The following SIDT1 variants were observed in gnomAD, a reference collection of about 807,000 sequenced individuals.
SIDT1 encodes SID1 transmembrane family member 1.
SIDT1 carries 101 observed loss-of-function variants against 107.5 expected under a neutral mutation model. The observed-to-expected ratio is 0.94, with a 90% confidence interval of 0.80 to 1.11. The LOEUF (loss-of-function observed/expected upper bound fraction) is 1.11. SIDT1 is among the 50% of genes least tolerant of loss of function. The probability of loss-of-function intolerance (pLI) is 0.00; values close to 1 mark genes in which losing one functional copy is unlikely to be tolerated. For synonymous variants in SIDT1, 395 were observed against 398.2 expected (o/e 0.99, Z 0.10); for missense variants, 1,076 against 1,058.2 (o/e 1.02, Z -0.23).
At position 113,626,114 on chromosome 3, in the gene SIDT1, G is replaced by T; in HGVS notation, c.2320G>T (p.Glu774Ter). 1.9e-6 allele frequency: 3 copies of T among 1,613,746 alleles called. No individual in the cohort carries two copies. Among genetic ancestry groups the T allele is most frequent in the Non-Finnish European group, 2.5e-6 (3 of 1,179,706 alleles). The change falls in exon 24 of 25, where the codon GAA (glutamate) becomes TAA (stop). Residue 774 changes from glutamate (E) to a stop codon, truncating the protein, a stop_gained. Transcript: ENST00000264852. LOFTEE classifies it high-confidence loss of function. ...NLSSWEGTPA[E>*]SREKNRECIL... The stretch of plus-strand genomic sequence containing the variant: ...CACCTTCCTCCAGGGAACTCCGGCC[G>T]AATCCCGGGAGAAGAACCGCGAGTG...
Position 113,541,222 on chromosome 3 carries a change from T to A in SIDT1, c.222+7979T>A, listed in dbSNP as rs189892840. ...TTTCTCTCTGTCACCCAGGCTGGAG[T>A]GCAATGGTATGATCTCTGCTCACTG... On this transcript the variant is annotated intron_variant, in intron 1 of 24. Coordinates refer to ENST00000264852, the MANE Select transcript of SIDT1 (RefSeq NM_017699.3). 2.4e-3 allele frequency among the ~76,000 whole-genome samples: 361 copies of A among 151,808 alleles called. 2 individuals are homozygous for A. Among genetic ancestry groups the A allele is most frequent in the African/African-American group, 8.2e-3 (341 of 41,396 alleles).
intron 10 of SIDT1, among the ~76,000 whole-genome samples, chr3:113,601,026 G>A (rs564667153): frequency 6.6e-6 from 1 of 152,328 alleles, no homozygotes; most frequent in South Asian, 2.1e-4. Context: ...CTGTCCAGCT[G>A]AGCCAGCTCT....
intron 21 of SIDT1, among the ~76,000 whole-genome samples, chr3:113,621,626 G>T (rs1464506366): frequency 6.6e-6 from 1 of 152,082 alleles, no homozygotes; most frequent in Non-Finnish European, 1.5e-5. Context: ...GAAGAGAGAC[G>T]TCAGGTCCTG....
At chr3:113,592,894 A>G in intron 9 of SIDT1, 111 bp from the exon 10 acceptor site, 1 of 893,346 alleles carries the variant, frequency 1.1e-6, no homozygotes, top group Non-Finnish European at 1.9e-6. Flanking sequence ...CCCCAAAGAC[A>G]TGTTTTGAAG....
At chr3:113,610,977 TG>T in intron 17 of SIDT1, 30 bp from the exon 18 acceptor site, 1 of 1,609,348 alleles carries the variant, frequency 6.2e-7, no homozygotes. Flanking sequence ...TACTGAATCC[TG>T]ATCATCTGGC....
intron 23 of SIDT1, among the ~76,000 whole-genome samples, chr3:113,623,941 ACAGACATTG>A (rs1251130773): frequency 1.3e-5 from 2 of 152,228 alleles, no homozygotes; most frequent in Non-Finnish European, 2.9e-5. Flanking sequence ...TGTAAGTACT[ACAGACATTG>A]CAAACTTGGT....
At chr3:113,621,880 T>TA (rs1469379844) in intron 21 of SIDT1, among the ~76,000 whole-genome samples, 2 of 152,196 alleles carry the variant, frequency 1.3e-5, no homozygotes, top group Admixed American at 1.3e-4. Flanking sequence ...TCCAATACAG[T>TA]AACTATTAGC....
At chr3:113,546,085 G>A (rs1939549992) in intron 1 of SIDT1, among the ~76,000 whole-genome samples, 1 of 152,200 alleles carries the variant, frequency 6.6e-6, no homozygotes, top group Non-Finnish European at 1.5e-5. Flanking sequence ...AGAGCATGGG[G>A]TGGAGTACCA....
chr3:113,554,097 G>C (rs942698882), intron 1 of SIDT1, among the ~76,000 whole-genome samples: 2 of 152,118 alleles, frequency 1.3e-5, no homozygotes, highest in African/African-American at 2.4e-5. Flanking sequence ...AACCTGGAGA[G>C]ACAGAAAATG....
intron 1 of SIDT1, among the ~76,000 whole-genome samples, chr3:113,536,959 G>T (rs1207199937): frequency 6.6e-6 from 1 of 152,180 alleles, no homozygotes; most frequent in African/African-American, 2.4e-5. Context: ...CTAACTTGTT[G>T]GGAAAGTTGC....
At chr3:113,561,720 A>G (rs535166078) in intron 1 of SIDT1, among the ~76,000 whole-genome samples, 2 of 152,216 alleles carry the variant, frequency 1.3e-5, no homozygotes, top group Admixed American at 6.5e-5. Context: ...TTTAAGTTCT[A>G]TTCTTGATCT....
At position 113,601,759 on chromosome 3, in the gene SIDT1, G is replaced by A. The variant is rs919167488; in HGVS notation, c.1117+100G>A. On this transcript the variant is annotated intron_variant, in intron 11 of 24. Transcript: ENST00000264852. The stretch of plus-strand genomic sequence containing the variant: ...ACTAATAACTGGGAATGTGGGCAAA[G>A]CAGCTATCCTATGAGATTGTCTTTT... 1.3e-4 allele frequency: 94 copies of A among 739,940 alleles called. No homozygotes were observed. The Middle Eastern group carries it at 1.5e-3, about 11-fold the overall frequency. 45.8% of individuals were successfully genotyped at this position (739,940 alleles called of 1,614,324 possible).
chr3:113,630,397 G>A (rs1947081528), downstream of SIDT1, among the ~76,000 whole-genome samples: 1 of 152,136 alleles, frequency 6.6e-6, no homozygotes, highest in Non-Finnish European at 1.5e-5. Flanking sequence ...GAAGCCAGTG[G>A]AATGCTGGAC....
chr3:113,535,060 C>T (rs1450308441), intron 1 of SIDT1, among the ~76,000 whole-genome samples: 1 of 152,132 alleles, frequency 6.6e-6, no homozygotes, highest in Non-Finnish European at 1.5e-5. Context: ...TTGCTTGAGA[C>T]CAGGAGTTCA....
intron 6 of SIDT1, 144 bp from the exon 7 acceptor site, chr3:113,583,265 G>A: frequency 2.0e-6 from 1 of 500,274 alleles, no homozygotes. Flanking sequence ...ATGGGTATGT[G>A]AAAGTCCTTT....
chr3:113,577,044 C>T, intron 4 of SIDT1, 77 bp downstream of exon 4: 1 of 1,383,104 alleles, frequency 7.2e-7, no homozygotes, highest in Non-Finnish European at 1.0e-6. Context: ...CCATGTTACC[C>T]TGGTAGAGTT....
chr3:113,546,654 C>G (rs943869000), intron 1 of SIDT1, among the ~76,000 whole-genome samples: 1 of 151,600 alleles, frequency 6.6e-6, no homozygotes, highest in Non-Finnish European at 1.5e-5. Flanking sequence ...AGAATTTCTT[C>G]GTTTCTTACT....
In SIDT1 at chr3:113,533,135, C is replaced by G. The variant is rs753609597; in HGVS notation, c.114C>G (p.Asp38Glu). The G allele has an allele frequency of 1.3e-6, 2 of 1,571,282 alleles. No individual in the cohort carries two copies. Among genetic ancestry groups the G allele is most frequent in the Non-Finnish European group, 1.7e-6 (2 of 1,160,816 alleles). The change falls in exon 1 of 25, where the codon GAC becomes GAG. Residue 38 changes from aspartate to glutamate, a missense_variant. Transcript: ENST00000264852. ...SPRQPPAPRRDPFDAARGADF... is the reference protein window; with the variant it reads ...SPRQPPAPRREPFDAARGADF... ...GGCAGCCCCCGGCACCGCGCCGCGA[C>G]CCCTTCGACGCTGCCAGGGGCGCCG...
At chr3:113,556,477 A>G (rs758925084) in intron 1 of SIDT1, among the ~76,000 whole-genome samples, 36 of 151,620 alleles carry the variant, frequency 2.4e-4, no homozygotes, top group Non-Finnish European at 4.7e-4. Context: ...GGACTCTCCT[A>G]GAAGTCCCAT....
Sources: allele counts gnomAD v4.1 joint callset (sites outside exome capture counted in the v4.1 genomes callset), GRCh38; gene constraint gnomAD v4.1.1; transcripts MANE v1.5; gene names NCBI Gene and HGNC (gene_info 2026-07-23, HGNC 2026-07-21).